Variants in EYS observed in about 807,000 individuals in gnomAD.
EYS encodes the protein protein eyes shut homolog.
EYS carries 250 observed loss-of-function variants against 282.1 expected under a neutral mutation model. That is an observed-to-expected ratio of 0.89 (90% CI 0.80 to 0.98). The LOEUF (loss-of-function observed/expected upper bound fraction) is 0.98. EYS is among the 50% of genes least tolerant of loss of function. EYS has a pLI of 0.00. For synonymous variants in EYS, 1,355 were observed against 1,282.9 expected, an observed-to-expected ratio of 1.06 and a Z score of -1.20; for missense variants, 4,016 against 3,709.0, an observed-to-expected ratio of 1.08 and a Z score of -2.15.
intron 12 of EYS, among the ~76,000 whole-genome samples, chr6:65,166,120 T>A (rs1030658483): frequency 6.6e-6 from 1 of 151,180 alleles, no homozygotes; most frequent in Non-Finnish European, 1.5e-5. Flanking sequence ...TGTCCCGTGT[T>A]CATGAATTGG....
intron 5 of EYS, among the ~76,000 whole-genome samples, chr6:65,442,453 A>G (rs1029408034): frequency 7.9e-5 from 12 of 151,964 alleles, no homozygotes; most frequent in Non-Finnish European, 1.6e-4. Flanking sequence ...ACTGTTTTTC[A>G]TAAATTTTAA....
At chr6:64,110,299 ATGTATGTATG>A (rs148960635) in intron 31 of EYS, among the ~76,000 whole-genome samples, 4,637 of 152,112 alleles carry the variant, frequency 0.03, 199 homozygotes, top group African/African-American at 0.096. Flanking sequence ...ATATATGTAT[ATGTATGTATG>A]TATAACTTAG....
At chr6:63,965,362 T>A (rs1289823059) in intron 35 of EYS, among the ~76,000 whole-genome samples, 1 of 152,200 alleles carries the variant, frequency 6.6e-6, no homozygotes, top group Admixed American at 6.5e-5. Context: ...ACCTAAGATT[T>A]TCTGCCCCTG....
intron 26 of EYS, among the ~76,000 whole-genome samples, chr6:64,534,452 A>G (rs1266427438): frequency 6.6e-6 from 1 of 152,134 alleles, no homozygotes; most frequent in Admixed American, 6.5e-5. Context: ...GTTTCTCAAT[A>G]AGATCTTTCA....
chr6:64,506,459 G>A (rs1481605697), intron 26 of EYS, among the ~76,000 whole-genome samples: 2 of 152,076 alleles, frequency 1.3e-5, no homozygotes, highest in Admixed American at 1.3e-4. Context: ...CGCTTTGGAT[G>A]GGACAAATTT....
chr6:64,897,630 T>C (rs1298435305), intron 18 of EYS, among the ~76,000 whole-genome samples: 3 of 152,098 alleles, frequency 2.0e-5, no homozygotes, highest in African/African-American at 7.2e-5. Context: ...AAGTAGGCTT[T>C]AGAAGGTGGG....
At chr6:64,861,450 C>A (rs930412794) in intron 19 of EYS, among the ~76,000 whole-genome samples, 1 of 152,084 alleles carries the variant, frequency 6.6e-6, no homozygotes, top group Non-Finnish European at 1.5e-5. Flanking sequence ...CAGAGATGCC[C>A]GGGTCCACAG....
rs377337539 is a variant in EYS, at chr6:64,420,801, G to A, written c.5927+15373C>T. Among the ~76,000 whole-genome samples, 39 of 152,204 alleles carry A rather than the reference G, an allele frequency of 2.6e-4. No individual in the cohort carries two copies. In the East Asian group the frequency reaches 2.9e-3, roughly 11 times the overall value. The stretch of plus-strand genomic sequence containing the variant: ...CATAGCAAGAATCACCTTTATTCCC[G>A]TTCCCAATAAGTTCTTCCTCTCCAT... On this transcript the variant is annotated intron_variant, in intron 28 of 42. Coordinates refer to ENST00000503581, the MANE Select transcript of EYS (RefSeq NM_001142800.2).
At chr6:65,477,655 T>C (rs2127251251) in intron 5 of EYS, among the ~76,000 whole-genome samples, 1 of 152,268 alleles carries the variant, frequency 6.6e-6, no homozygotes, top group East Asian at 1.9e-4. Flanking sequence ...TTTTTTTCAC[T>C]TTTAAAACAA....
At chr6:64,397,292 C>T (rs1773412335) in intron 28 of EYS, among the ~76,000 whole-genome samples, 1 of 151,926 alleles carries the variant, frequency 6.6e-6, no homozygotes, top group African/African-American at 2.4e-5. Flanking sequence ...CAATTTCAAT[C>T]CGTGTACTGC....
chr6:64,843,233 G>T (rs2022176), intron 19 of EYS, among the ~76,000 whole-genome samples: 84,529 of 151,898 alleles, frequency 0.56, 24,255 homozygotes, highest in Non-Finnish European at 0.62. Flanking sequence ...AGGGAAATGT[G>T]GGGTTGGACC....
At chr6:65,554,259 G>A (rs562101608) in intron 2 of EYS, among the ~76,000 whole-genome samples, 28 of 152,118 alleles carry the variant, frequency 1.8e-4, no homozygotes, top group Non-Finnish European at 3.5e-4. Context: ...TCCCTTTCCT[G>A]TGAGGGTTTT....
At chr6:64,227,678 C>A (rs1766291283) in intron 31 of EYS, among the ~76,000 whole-genome samples, 1 of 152,012 alleles carries the variant, frequency 6.6e-6, no homozygotes, top group African/African-American at 2.4e-5. Flanking sequence ...AGTGTAGCAT[C>A]TGGTAAATCA....
intron 1 of EYS, among the ~76,000 whole-genome samples, chr6:65,659,494 A>G (rs1365705402): frequency 6.6e-6 from 1 of 151,780 alleles, no homozygotes; most frequent in Admixed American, 6.6e-5. Flanking sequence ...ATTTCCATCA[A>G]GATTCGTAAA....
intron 33 of EYS, among the ~76,000 whole-genome samples, chr6:64,018,213 T>C (rs192176485): frequency 1.0e-3 from 152 of 152,300 alleles, no homozygotes; most frequent in Middle Eastern, 3.4e-3. Flanking sequence ...TATGCTACCA[T>C]GGGATATTTC....
At chr6:64,084,332 T>A (rs1772076124) in intron 31 of EYS, among the ~76,000 whole-genome samples, 1 of 152,166 alleles carries the variant, frequency 6.6e-6, no homozygotes, top group African/African-American at 2.4e-5. Flanking sequence ...ATTGCACAGA[T>A]TAAGTTAAGT....
intron 26 of EYS, among the ~76,000 whole-genome samples, chr6:64,495,512 T>A (rs187555553): frequency 6.6e-6 from 1 of 151,800 alleles, no homozygotes; most frequent in African/African-American, 2.4e-5. Context: ...AACTCTTAAA[T>A]GAGTGAGACC....
chr6:64,724,362 G>C (rs542048144), intron 22 of EYS, among the ~76,000 whole-genome samples: 9 of 152,266 alleles, frequency 5.9e-5, no homozygotes, highest in African/African-American at 2.2e-4. Flanking sequence ...AAAAGAAACT[G>C]CTTTGGATAG....
intron 9 of EYS, among the ~76,000 whole-genome samples, chr6:65,346,216 C>A (rs1302690555): frequency 6.6e-6 from 1 of 151,734 alleles, no homozygotes; most frequent in Non-Finnish European, 1.5e-5. Context: ...AGTTTCCAGT[C>A]AGCCTTCTTA....
Sources: gnomAD v4.1 joint callset for allele counts (sites outside exome capture counted in the v4.1 genomes callset) on GRCh38, gnomAD v4.1.1 for gene constraint, MANE v1.5 for transcripts, NCBI Gene and HGNC (gene_info 2026-07-23, HGNC 2026-07-21) for gene names.